SECISBP2L: variants seen among roughly 807,000 people sequenced by gnomAD.
The protein encoded by SECISBP2L is SECIS binding protein 2 like.
Under a neutral mutation model 114.7 loss-of-function variants are expected in SECISBP2L, and 43 were observed. The observed-to-expected ratio is 0.38, with a 90% CI of 0.29 to 0.48. The LOEUF (loss-of-function observed/expected upper bound fraction) is 0.48. SECISBP2L is among the 20% of genes least tolerant of loss of function. The probability of loss-of-function intolerance (pLI) is 0.98; values close to 1 mark genes in which losing one functional copy is unlikely to be tolerated. For synonymous variants in SECISBP2L, 451 were observed against 439.7 expected (o/e 1.03, Z -0.32); for missense variants, 1,136 against 1,301.1 (o/e 0.87, Z 1.95).
At chr15:49,035,112 G>T (rs748260237) in intron 3 of SECISBP2L, among the ~76,000 whole-genome samples, 7 of 151,956 alleles carry the variant, frequency 4.6e-5, no homozygotes. Context: ...ACTCTCTAAA[G>T]GAATGTGAAA....
chr15:48,992,443 G>A lies in SECISBP2L; in HGVS notation c.3107C>T (p.Thr1036Ile). 1 of 1,614,150 alleles carries A rather than the reference G, an allele frequency of 6.2e-7. No homozygotes were observed. The highest frequency in any genetic ancestry group is 8.5e-7 in the Non-Finnish European group (1 of 1,180,028). The change falls in exon 18 of 18, where the codon ACC becomes ATC. Residue 1036 changes from threonine to isoleucine, a missense_variant. By Grantham distance (89) the Thr-to-Ile change is moderately conservative (BLOSUM62 -1). Around this residue, in one of 2 missense-constraint regions of SECISBP2L, gnomAD observed 684 missense variants for 848.7 expected, o/e 0.81. Transcript: ENST00000559471. ...ATTGTCTTCCTCAGAACCATTAAGG[G>A]TTTTTCCAAGCTGAAGGGTTTCCAT... is the stretch of plus-strand genomic sequence containing the variant. ...RTMETLQLGKTLNGSEEDNVE... is the reference protein window; with the variant it reads ...RTMETLQLGKILNGSEEDNVE...
chr15:49,046,076 A>C (rs1234025185), intron 1 of SECISBP2L, among the ~76,000 whole-genome samples, 200 bp downstream of exon 1: 2 of 152,180 alleles, frequency 1.3e-5, no homozygotes, highest in African/African-American at 4.8e-5. Flanking sequence ...CTGGGAAGTA[A>C]TCAGGGTTGG....
intron 7 of SECISBP2L, among the ~76,000 whole-genome samples, chr15:49,022,820 T>A (rs1188896116): frequency 6.6e-6 from 1 of 152,200 alleles, no homozygotes; most frequent in East Asian, 1.9e-4. Context: ...CAAATGCTGC[T>A]GGAAGATTTT....
At chr15:49,015,690 T>C (rs1183017581) in intron 11 of SECISBP2L, among the ~76,000 whole-genome samples, 2 of 152,238 alleles carry the variant, frequency 1.3e-5, no homozygotes, top group Non-Finnish European at 2.9e-5. Flanking sequence ...TAGAAATTAC[T>C]GTTTCAGTAG....
At chr15:48,994,158 A>C (rs1295631861) in intron 17 of SECISBP2L, among the ~76,000 whole-genome samples, 1 of 151,986 alleles carries the variant, frequency 6.6e-6, no homozygotes, top group Non-Finnish European at 1.5e-5. Flanking sequence ...TCAGCTAATG[A>C]CATTATCATT....
At chr15:49,030,348 T>C (rs1475708923) in intron 4 of SECISBP2L, among the ~76,000 whole-genome samples, 1 of 152,196 alleles carries the variant, frequency 6.6e-6, no homozygotes. Flanking sequence ...TTTAATCAAA[T>C]ACCCCCTCTC....
chr15:49,008,254 T>C (rs1396809137), intron 14 of SECISBP2L, among the ~76,000 whole-genome samples: 1 of 152,156 alleles, frequency 6.6e-6, no homozygotes, highest in Non-Finnish European at 1.5e-5. Context: ...TGCAGGGGAA[T>C]TTTTTGTATT....
intron 1 of SECISBP2L, among the ~76,000 whole-genome samples, chr15:49,041,294 T>C (rs1360821454): frequency 1.3e-5 from 2 of 152,240 alleles, no homozygotes; most frequent in Non-Finnish European, 2.9e-5. Context: ...TGTAAAAATA[T>C]TTAAGCAGTT....
At chr15:49,016,455 CAT>C (rs549820457) in intron 11 of SECISBP2L, 103 bp downstream of exon 11, 34 of 883,744 alleles carry the variant, frequency 3.8e-5, no homozygotes, top group Middle Eastern at 5.7e-4. Flanking sequence ...CACACACACA[CAT>C]ATATATACAC....
intron 4 of SECISBP2L, among the ~76,000 whole-genome samples, chr15:49,031,378 C>T (rs1902886485): frequency 6.6e-6 from 1 of 152,082 alleles, no homozygotes; most frequent in African/African-American, 2.4e-5. Context: ...CTATACATCC[C>T]ATATGTCTTC....
rs1299528596 is a variant in SECISBP2L at position 49,028,478 on chromosome 15, C to T, written c.869G>A (p.Arg290Lys). The T allele has an allele frequency of 6.2e-7, 1 of 1,614,144 alleles. No homozygotes were observed. Among genetic ancestry groups the T allele is most frequent in the Non-Finnish European group, 8.5e-7 (1 of 1,180,008 alleles). Residue 290 changes from arginine to lysine, a missense_variant, in exon 5 of 18, where the codon AGA (arginine) becomes AAA (lysine). Coordinates refer to ENST00000559471, the MANE Select transcript of SECISBP2L (RefSeq NM_001193489.2). ...ATTCATGGTCCCAGAATCAGGATTT[C>T]TCAAAGCCCCTGCTGCAGGCTGGTT... ...SNNQPAAGALRNPDSGTMNHV... is the reference protein window; with the variant it reads ...SNNQPAAGALKNPDSGTMNHV...
chr15:49,022,276 C>A (rs1462545073), intron 7 of SECISBP2L, among the ~76,000 whole-genome samples: 1 of 152,104 alleles, frequency 6.6e-6, no homozygotes, highest in Non-Finnish European at 1.5e-5. Context: ...TGCCACCATG[C>A]CTGCCTTACA....
chr15:49,037,134 A>G (rs1191447233), intron 2 of SECISBP2L, among the ~76,000 whole-genome samples: 1 of 152,098 alleles, frequency 6.6e-6, no homozygotes, highest in Non-Finnish European at 1.5e-5. Context: ...TAGCACAGAC[A>G]TAAATTTAAA....
At position 48,989,307 on chromosome 15, in the gene SECISBP2L, TAGA is replaced by T. The variant is rs1901923154; in HGVS notation, c.*2934_*2936del. The T allele has an allele frequency of 6.6e-6, 1 of 152,454 alleles. No individual in the cohort carries two copies. The highest frequency in any genetic ancestry group is 1.5e-5 in the Non-Finnish European group (1 of 67,992). The allele number at this position is 152,454 out of a possible 1,614,324, so 9.4% of individuals were successfully genotyped here. ...CCCCTCCCTCCTCCCCCAGCTTATT[TAGA>T]AATCAGACAAGTACATATTTGGATA... On this transcript the variant is annotated 3_prime_UTR_variant, in exon 18 of 18. Transcript: ENST00000559471.
At chr15:49,023,909 A>T (rs1902689930) in intron 7 of SECISBP2L, among the ~76,000 whole-genome samples, 1 of 152,234 alleles carries the variant, frequency 6.6e-6, no homozygotes, top group Admixed American at 6.5e-5. Flanking sequence ...GGGGGAGAGG[A>T]GAAGTCAAGG....
chr15:49,004,880 T>C (rs375569770), intron 14 of SECISBP2L, among the ~76,000 whole-genome samples: 3 of 152,334 alleles, frequency 2.0e-5, no homozygotes. Flanking sequence ...ATAAGTGCAA[T>C]GTGGTGCTGA....
chr15:49,042,195 C>T (rs1381311786), intron 1 of SECISBP2L: 1 of 152,154 alleles, frequency 6.6e-6, no homozygotes, highest in Non-Finnish European at 1.5e-5. Context: ...GATGGAGTTT[C>T]CCCTCTAACT....
intron 7 of SECISBP2L, among the ~76,000 whole-genome samples, chr15:49,019,862 G>A (rs1902607284): frequency 6.6e-6 from 1 of 152,200 alleles, no homozygotes; most frequent in Admixed American, 6.5e-5. Flanking sequence ...TAAACTAACT[G>A]TGGCATATCC....
chr15:49,019,804 A>G (rs983224753), intron 7 of SECISBP2L, among the ~76,000 whole-genome samples: 15 of 152,246 alleles, frequency 9.9e-5, no homozygotes, highest in Non-Finnish European at 1.9e-4. Flanking sequence ...TTTATTCACA[A>G]AAGTGAAAAC....
Sources: allele counts gnomAD v4.1 joint callset (sites outside exome capture counted in the v4.1 genomes callset), GRCh38; gene constraint gnomAD v4.1.1; regional missense constraint gnomAD v4.1.1; transcripts MANE v1.5; gene names NCBI Gene and HGNC (gene_info 2026-07-23, HGNC 2026-07-21).